Variants in CTSC observed in about 807,000 individuals in gnomAD.
The protein encoded by CTSC is dipeptidyl peptidase 1.
In CTSC, 37 loss-of-function variants were observed where a neutral mutation model predicts 40.9. The ratio of observed to expected loss-of-function variants is 0.91; its 90% CI spans 0.70 to 1.19. CTSC has a LOEUF of 1.19. Ranked by LOEUF, CTSC falls within the 50% of genes most tolerant of loss-of-function variation. The pLI is 0.00. For synonymous variants in CTSC, 232 were observed against 207.4 expected, an observed-to-expected ratio of 1.12 and a Z score of -1.02; for missense variants, 594 against 567.3, an observed-to-expected ratio of 1.05 and a Z score of -0.48.
chr11:88,319,047 A>G (rs961335090), intron 2 of CTSC, among the ~76,000 whole-genome samples: 3 of 152,204 alleles, frequency 2.0e-5, no homozygotes, highest in Non-Finnish European at 4.4e-5. Flanking sequence ...GTAAGTCCCT[A>G]TAAGATAGTT....
chr11:88,294,073 C>G lies in CTSC; in HGVS notation c.1325G>C (p.Arg442Pro). 6.2e-7 allele frequency: 1 copy of G among 1,614,002 alleles called. No individual in the cohort carries two copies. The highest frequency in any genetic ancestry group is 8.5e-7 in the Non-Finnish European group (1 of 1,179,976). ...GWGENGYFRI[R>P]RGTDECAIES... Reference sequence around the variant, plus strand: ...AATTGCACACTCATCAGTTCCTCTGCGGATCCGGAAGTAGCCATTCTCACC... The same window carrying G: ...AATTGCACACTCATCAGTTCCTCTGGGGATCCGGAAGTAGCCATTCTCACC... The change falls in exon 7 of 7, where the codon CGC (arginine) becomes CCC (proline). Residue 442 changes from arginine (R) to proline (P), a missense_variant. Coordinates refer to ENST00000227266, the MANE Select transcript of CTSC (RefSeq NM_001814.6).
intron 2 of CTSC, among the ~76,000 whole-genome samples, chr11:88,332,733 T>C (rs1182409432): frequency 6.6e-6 from 1 of 152,168 alleles, no homozygotes; most frequent in East Asian, 1.9e-4. Flanking sequence ...AAAGAAAACA[T>C]GGCCCTGATA....
intron 6 of CTSC, 26 bp from the exon 7 acceptor site, chr11:88,294,534 A>G: frequency 6.2e-7 from 1 of 1,613,440 alleles, no homozygotes; most frequent in East Asian, 2.2e-5. Context: ...ACACATGGTT[A>G]CCCCTTAGTA....
Position 88,300,625 on chromosome 11 carries a change from G to A in CTSC, c.662C>T (p.Thr221Ile), listed in dbSNP as rs1337521445. Reference sequence around the variant, plus strand: ...CAAAATCTTTTGCTGTATTTCAGCAGTCAGTGGTGCAGGTTTGGGCCTAGA... The same window carrying A: ...CAAAATCTTTTGCTGTATTTCAGCAATCAGTGGTGCAGGTTTGGGCCTAGA... ...KIPRPKPAPLTAEIQQKILHL... is the reference protein window; with the variant it reads ...KIPRPKPAPLIAEIQQKILHL... Residue 221 changes from threonine (T) to isoleucine (I), a missense_variant, in exon 5 of 7, where the codon ACT becomes ATT. Thr to Ile is a moderately conservative substitution (Grantham distance 89). Coordinates refer to ENST00000227266, the MANE Select transcript of CTSC (RefSeq NM_001814.6). 1 of 1,611,804 alleles carries A rather than the reference G, an allele frequency of 6.2e-7. No homozygotes were observed. Among genetic ancestry groups the A allele is most frequent in the East Asian group, 2.2e-5 (1 of 44,866 alleles).
chr11:88,302,354 G>A (rs1054341470), intron 4 of CTSC, among the ~76,000 whole-genome samples: 3 of 152,096 alleles, frequency 2.0e-5, no homozygotes, highest in Non-Finnish European at 4.4e-5. Flanking sequence ...GGCCAGGCGC[G>A]GTGGCTCACG....
chr11:88,326,321 G>A, intron 2 of CTSC: 1 of 1,613,698 alleles, frequency 6.2e-7, no homozygotes, highest in Non-Finnish European at 8.5e-7. Flanking sequence ...GTAGCTGCTA[G>A]AGGCCTTTGC....
At chr11:88,334,674 A>C (rs1565266825) in intron 2 of CTSC, 1 of 402,892 alleles carries the variant, frequency 2.5e-6, no homozygotes. Flanking sequence ...TAAATTAAGA[A>C]TTTAGTCATA....
At chr11:88,302,722 T>C (rs989421113) in intron 4 of CTSC, among the ~76,000 whole-genome samples, 6 of 151,284 alleles carry the variant, frequency 4.0e-5, no homozygotes, top group African/African-American at 1.5e-4. Context: ...AAAATAGCAA[T>C]TGTAACCTTG....
chr11:88,295,256 A>G (rs765866858), intron 6 of CTSC, among the ~76,000 whole-genome samples: 36 of 152,320 alleles, frequency 2.4e-4, no homozygotes, highest in Non-Finnish European at 4.4e-4. Flanking sequence ...TGAGCTGGGA[A>G]ATTCCTAGTG....
chr11:88,325,893 G>A (rs1313435807), intron 2 of CTSC: 1 of 988,364 alleles, frequency 1.0e-6, no homozygotes, highest in African/African-American at 1.7e-5. Flanking sequence ...AGATCCAAGG[G>A]CCTTATTTTC....
At chr11:88,313,557 G>A (rs1308347773) in intron 2 of CTSC, among the ~76,000 whole-genome samples, 1 of 151,982 alleles carries the variant, frequency 6.6e-6, no homozygotes, top group Non-Finnish European at 1.5e-5. Context: ...AGATGCTCTG[G>A]CTCCAGAGCC....
chr11:88,309,088 G>A (rs996380372), intron 4 of CTSC, 75 bp downstream of exon 4: 1 of 1,349,432 alleles, frequency 7.4e-7, no homozygotes, highest in African/African-American at 1.4e-5. Flanking sequence ...GAGCAACACT[G>A]GTAGGACTGC....
chr11:88,328,546 A>C (rs1252850089), intron 2 of CTSC, among the ~76,000 whole-genome samples: 1 of 152,226 alleles, frequency 6.6e-6, no homozygotes, highest in Non-Finnish European at 1.5e-5. Context: ...CTGTGTGATA[A>C]GCTTGAAATT....
chr11:88,304,604 T>C (rs1390039159), intron 4 of CTSC, among the ~76,000 whole-genome samples: 5 of 152,178 alleles, frequency 3.3e-5, no homozygotes. Flanking sequence ...CTGGGCTGCA[T>C]TCCCAGACAG....
chr11:88,316,703 A>G (rs956100165), intron 2 of CTSC, among the ~76,000 whole-genome samples: 4 of 152,220 alleles, frequency 2.6e-5, no homozygotes, highest in African/African-American at 4.8e-5. Flanking sequence ...GAATAAATGA[A>G]TAACAGAAGA....
At chr11:88,330,237 A>G (rs1938312443) in intron 2 of CTSC, among the ~76,000 whole-genome samples, 1 of 152,226 alleles carries the variant, frequency 6.6e-6, no homozygotes, top group African/African-American at 2.4e-5. Context: ...AGTTTACATA[A>G]GGTTATTTCA....
At chr11:88,312,925 C>G (rs1357480594) in intron 2 of CTSC, among the ~76,000 whole-genome samples, 1 of 152,122 alleles carries the variant, frequency 6.6e-6, no homozygotes, top group Non-Finnish European at 1.5e-5. Flanking sequence ...CACATTTTAC[C>G]AAGGACAAAA....
intron 2 of CTSC, among the ~76,000 whole-genome samples, chr11:88,326,619 CT>C (rs1262641528): frequency 1.3e-5 from 2 of 151,848 alleles, no homozygotes; most frequent in African/African-American, 4.8e-5. Flanking sequence ...CATTCTGAAG[CT>C]AAATGCTTAA....
intron 4 of CTSC, among the ~76,000 whole-genome samples, chr11:88,308,920 G>C (rs1937691621): frequency 6.6e-6 from 1 of 152,128 alleles, no homozygotes; most frequent in Admixed American, 6.5e-5. Flanking sequence ...CTGCATGCCA[G>C]AGTGTAGAAA....
Sources: allele counts gnomAD v4.1 joint callset (sites outside exome capture counted in the v4.1 genomes callset), GRCh38; gene constraint gnomAD v4.1.1; transcripts MANE v1.5; gene names NCBI Gene and HGNC (gene_info 2026-07-23, HGNC 2026-07-21).